XKR4: variants seen among roughly 807,000 people sequenced by gnomAD.
The protein encoded by XKR4 is XK-related protein 4.
XKR4 carries 12 observed loss-of-function variants against 53.9 expected under a neutral mutation model. The ratio of observed to expected loss-of-function variants is 0.22; its 90% confidence interval spans 0.14 to 0.36. The LOEUF is 0.36. XKR4 is among the 10% of genes least tolerant of loss of function. XKR4 has a pLI of 1.00. For synonymous variants in XKR4, 354 were observed against 362.4 expected, an observed-to-expected ratio of 0.98 and a Z score of 0.26; for missense variants, 799 against 859.5, an observed-to-expected ratio of 0.93 and a Z score of 0.88.
intron 1 of XKR4, among the ~76,000 whole-genome samples, chr8:55,299,177 T>C (rs1481550012): frequency 6.6e-6 from 1 of 152,196 alleles, no homozygotes; most frequent in Non-Finnish European, 1.5e-5. Flanking sequence ...AGCCAGTCGT[T>C]TTATAGAGTG....
At chr8:55,204,217 G>A (rs1195555341) in intron 1 of XKR4, among the ~76,000 whole-genome samples, 1 of 151,946 alleles carries the variant, frequency 6.6e-6, no homozygotes, top group Non-Finnish European at 1.5e-5. Flanking sequence ...CGTTGCCCAG[G>A]CTGGTCTTGA....
chr8:55,225,582 C>T (rs1324362462), intron 1 of XKR4, among the ~76,000 whole-genome samples: 1 of 152,212 alleles, frequency 6.6e-6, no homozygotes, highest in Non-Finnish European at 1.5e-5. Flanking sequence ...CAGTGACCCA[C>T]AAGGCCAGCC....
chr8:55,186,372 G>A (rs935763373), intron 1 of XKR4, among the ~76,000 whole-genome samples: 1 of 152,162 alleles, frequency 6.6e-6, no homozygotes, highest in Non-Finnish European at 1.5e-5. Context: ...AATTCAAATA[G>A]AGGCCGGGCG....
intron 2 of XKR4, among the ~76,000 whole-genome samples, chr8:55,363,431 C>T (rs540873798): frequency 1.3e-5 from 2 of 152,318 alleles, no homozygotes; most frequent in East Asian, 1.9e-4. Context: ...TCCTATGAGG[C>T]TCCACAGGAA....
chr8:55,181,363 T>C (rs1377884015), intron 1 of XKR4, among the ~76,000 whole-genome samples: 1 of 152,130 alleles, frequency 6.6e-6, no homozygotes, highest in Non-Finnish European at 1.5e-5. Flanking sequence ...CCACAAACTT[T>C]TCTACATCCT....
chr8:55,307,649 C>G (rs1453093569), intron 1 of XKR4, among the ~76,000 whole-genome samples: 1 of 151,796 alleles, frequency 6.6e-6, no homozygotes, highest in African/African-American at 2.4e-5. Context: ...GAGGCCTTGT[C>G]TCCAAAAGAA....
intron 2 of XKR4, among the ~76,000 whole-genome samples, chr8:55,400,050 C>T (rs560807243): frequency 1.3e-5 from 2 of 152,164 alleles, no homozygotes; most frequent in East Asian, 1.9e-4. Flanking sequence ...TGCATCCATA[C>T]CTTTGTCTTT....
At chr8:55,431,025 A>G (rs1662420752) in intron 2 of XKR4, among the ~76,000 whole-genome samples, 1 of 152,182 alleles carries the variant, frequency 6.6e-6, no homozygotes, top group Admixed American at 6.5e-5. Flanking sequence ...AAGGGTATAC[A>G]GGATCTCTCC....
At chr8:55,439,303 A>G (rs2058519251) in intron 2 of XKR4, among the ~76,000 whole-genome samples, 1 of 151,748 alleles carries the variant, frequency 6.6e-6, no homozygotes, top group Non-Finnish European at 1.5e-5. Flanking sequence ...GCCCACGTAT[A>G]AAGTCCCAAA....
chr8:55,340,745 G>A (rs903377415), intron 1 of XKR4, among the ~76,000 whole-genome samples: 1 of 152,312 alleles, frequency 6.6e-6, no homozygotes, highest in African/African-American at 2.4e-5. Context: ...CACTGTGGTA[G>A]GAAGAGCAGT....
rs537297175 is a variant in XKR4, at chr8:55,102,801, C to A, written c.313C>A (p.Arg105=). Reference sequence around the variant, plus strand: ...GTGCCTGCGCCTGGGCAGGGAGCAGCGGCGCTACTCACTGTGGGACTGCCT... The same window carrying A: ...GTGCCTGCGCCTGGGCAGGGAGCAGAGGCGCTACTCACTGTGGGACTGCCT... ...ALCLRLGREQ[R]RYSLWDCLWI... Residue 105 remains arginine, a synonymous_variant, in exon 1 of 3, where the codon CGG becomes AGG. Coordinates refer to ENST00000327381, the MANE Select transcript of XKR4 (RefSeq NM_052898.2). This position sits in a 1 kb window ranked among gnomAD's most constrained non-coding sequence, Gnocchi z 5.1. 3.1e-6 allele frequency: 5 copies of A among 1,603,040 alleles called. No homozygotes were observed. The East Asian group carries it at 1.1e-4, about 36-fold the overall frequency.
chr8:55,483,551 C>T (rs771493925), intron 2 of XKR4, among the ~76,000 whole-genome samples: 10 of 151,724 alleles, frequency 6.6e-5, no homozygotes, highest in East Asian at 1.9e-4. Flanking sequence ...TGGGTGATCA[C>T]GGATGCCAGG....
chr8:55,510,304 G>A (rs1179647706), intron 2 of XKR4, among the ~76,000 whole-genome samples: 1 of 152,150 alleles, frequency 6.6e-6, no homozygotes, highest in East Asian at 1.9e-4. Flanking sequence ...GAGGAAGGGG[G>A]TCTCCAGGCA....
At chr8:55,145,229 G>A (rs1028665947) in intron 1 of XKR4, among the ~76,000 whole-genome samples, 10 of 152,100 alleles carry the variant, frequency 6.6e-5, no homozygotes, top group Non-Finnish European at 7.4e-5. Context: ...TGGTCATCAC[G>A]TTGGTCATTT....
chr8:55,269,979 G>C (rs1017275042), intron 1 of XKR4, among the ~76,000 whole-genome samples: 1 of 152,214 alleles, frequency 6.6e-6, no homozygotes, highest in South Asian at 2.1e-4. Context: ...GCTTTTGGAA[G>C]TGTTATTTTG....
At chr8:55,430,802 T>C (rs1218390062) in intron 2 of XKR4, among the ~76,000 whole-genome samples, 1 of 152,222 alleles carries the variant, frequency 6.6e-6, no homozygotes, top group Non-Finnish European at 1.5e-5. Flanking sequence ...TCTTCTGGTG[T>C]CTTCACATGT....
At chr8:55,461,266 T>C (rs1805653495) in intron 2 of XKR4, among the ~76,000 whole-genome samples, 1 of 152,190 alleles carries the variant, frequency 6.6e-6, no homozygotes, top group Non-Finnish European at 1.5e-5. Context: ...GGTACTCCTG[T>C]GAGACAAAAC....
chr8:55,457,040 T>A (rs1305286734), intron 2 of XKR4, among the ~76,000 whole-genome samples: 2 of 150,908 alleles, frequency 1.3e-5, no homozygotes, highest in Admixed American at 1.3e-4. Context: ...AAATGACTCA[T>A]CAGATATGGA....
intron 2 of XKR4, among the ~76,000 whole-genome samples, chr8:55,380,632 A>G (rs1804217447): frequency 1.3e-5 from 2 of 152,252 alleles, no homozygotes; most frequent in African/African-American, 4.8e-5. Context: ...TAAGTGATTT[A>G]TTATGGGAAA....
Sources: gnomAD v4.1 joint callset for allele counts (sites outside exome capture counted in the v4.1 genomes callset) on GRCh38, gnomAD v4.1.1 for gene constraint, Gnocchi (gnomAD v3.1) non-coding constraint, MANE v1.5 for transcripts, NCBI Gene and HGNC (gene_info 2026-07-23, HGNC 2026-07-21) for gene names.